Variants in APAF1 observed in about 807,000 individuals in gnomAD.
APAF1 encodes apoptotic protease-activating factor 1.
APAF1 carries 91 observed loss-of-function variants against 152.4 expected under a neutral mutation model. The ratio of observed to expected loss-of-function variants is 0.60; its 90% CI spans 0.50 to 0.71. The LOEUF (loss-of-function observed/expected upper bound fraction) is 0.71. Among genes scored for constraint, APAF1 ranks in the 30% least tolerant of loss-of-function variants. APAF1 has a pLI of 0.00. For missense variants in APAF1, 1,283 were observed against 1,472.0 expected (o/e 0.87, Z 2.10); for synonymous variants, 484 against 494.1 (o/e 0.98, Z 0.27).
At chr12:98,684,952 T>TCTTG (rs1438739907) in intron 15 of APAF1, among the ~76,000 whole-genome samples, 1 of 152,214 alleles carries the variant, frequency 6.6e-6, no homozygotes, top group Non-Finnish European at 1.5e-5. Flanking sequence ...TTCTTGTGAT[T>TCTTG]CTTGAGCAGA....
chr12:98,659,666 C>T (rs775076443), intron 5 of APAF1, among the ~76,000 whole-genome samples: 6 of 146,132 alleles, frequency 4.1e-5, no homozygotes, highest in African/African-American at 1.3e-4. Context: ...GCAGGAGAAT[C>T]GCTTGAACCC....
chr12:98,665,481 G>A, intron 7 of APAF1, 72 bp from the exon 8 acceptor site: 3 of 1,021,500 alleles, frequency 2.9e-6, no homozygotes, highest in Non-Finnish European at 4.6e-6. Flanking sequence ...AGTAATGTAA[G>A]TAAGTAAGTC....
At chr12:98,682,438 C>G (rs2097693426) in intron 14 of APAF1, among the ~76,000 whole-genome samples, 1 of 152,200 alleles carries the variant, frequency 6.6e-6, no homozygotes, top group Admixed American at 6.5e-5. Context: ...CAATTTCCTG[C>G]TACAGCTTGC....
intron 22 of APAF1, among the ~76,000 whole-genome samples, chr12:98,717,729 C>G (rs1465810501): frequency 6.6e-6 from 1 of 151,748 alleles, no homozygotes; most frequent in Admixed American, 6.6e-5. Flanking sequence ...AGTTGCTGTT[C>G]CCTCCAAGTT....
At position 98,666,477 on chromosome 12, in the gene APAF1, T is replaced by A. The variant is rs138330961; in HGVS notation, c.1362+120T>A. On this transcript the variant is annotated intron_variant, in intron 9 of 26. Transcript: ENST00000551964. ...CATAAGTCCTTCACCTAGCTTCCCC[T>A]AATATTAACATTTTATATAACCATA... 2.3e-4 allele frequency: 211 copies of A among 935,012 alleles called. 1 individual carries two copies. In the East Asian group the frequency reaches 5.4e-3, roughly 24 times the overall value. The allele number at this position is 935,012 out of a possible 1,614,324, so 57.9% of individuals were successfully genotyped here.
chr12:98,650,445 C>G (rs1224273009), intron 4 of APAF1, among the ~76,000 whole-genome samples: 1 of 151,774 alleles, frequency 6.6e-6, no homozygotes, highest in Non-Finnish European at 1.5e-5. Flanking sequence ...GAGATCGCAC[C>G]ACTGCACTCC....
intron 21 of APAF1, 143 bp downstream of exon 21, chr12:98,712,578 A>C (rs1377103488): frequency 4.6e-6 from 3 of 654,480 alleles, no homozygotes; most frequent in Non-Finnish European, 8.2e-6. Flanking sequence ...GTACAGTGAC[A>C]CGATCACAGC....
chr12:98,686,973 G>GA, intron 16 of APAF1, 100 bp downstream of exon 16: 3 of 1,225,182 alleles, frequency 2.4e-6, no homozygotes, highest in Non-Finnish European at 3.5e-6. Context: ...TCTACAGAAA[G>GA]AGCCTGCTTC....
chr12:98,725,958 T>G (rs147904570), intron 25 of APAF1, among the ~76,000 whole-genome samples: 160 of 152,342 alleles, frequency 1.1e-3, no homozygotes, highest in African/African-American at 3.8e-3. Flanking sequence ...TCTTTAGCAC[T>G]ATACCCATTT....
rs957408395 is a variant in APAF1 at position 98,645,439 on chromosome 12, G to C, written c.-438G>C. On this transcript the variant is annotated 5_prime_UTR_variant, in exon 1 of 27. Transcript: ENST00000551964. The stretch of plus-strand genomic sequence containing the variant: ...TCCGGAGTAGCGCCGGGCTCCCTCC[G>C]GGGTGCAGCCGCCGTCGGGGGAAGG... The C allele has an allele frequency of 1.3e-5, 2 of 152,396 alleles. No homozygotes were observed. The highest frequency in any genetic ancestry group is 2.9e-5 in the Non-Finnish European group (2 of 68,200). The allele number at this position is 152,396 out of a possible 1,614,324, so 9.4% of individuals were successfully genotyped here. A position where few individuals can be genotyped will look rare whatever the true frequency, so the allele number is the denominator to read the frequency against.
chr12:98,650,496 T>C (rs563554635), intron 4 of APAF1, among the ~76,000 whole-genome samples: 4 of 150,402 alleles, frequency 2.7e-5, no homozygotes, highest in African/African-American at 7.4e-5. Flanking sequence ...CAAAAAAAAG[T>C]TTTTTGTTTT....
chr12:98,699,785 T>C (rs538126693), intron 17 of APAF1, among the ~76,000 whole-genome samples: 11 of 152,216 alleles, frequency 7.2e-5, no homozygotes, highest in Non-Finnish European at 1.5e-4. Flanking sequence ...TTGGGAAATA[T>C]GTTTTGTATT....
intron 17 of APAF1, among the ~76,000 whole-genome samples, chr12:98,700,604 A>C (rs992765837): frequency 2.6e-5 from 4 of 152,198 alleles, no homozygotes; most frequent in African/African-American, 7.2e-5. Context: ...AAACTTTTTT[A>C]TTGTGATAAA....
intron 4 of APAF1, 124 bp downstream of exon 4, chr12:98,649,808 G>T (rs943665521): frequency 9.7e-6 from 9 of 925,248 alleles, no homozygotes; most frequent in Middle Eastern, 3.2e-4. Context: ...TAGAACAAAG[G>T]AAGGATATGT....
In APAF1 at chr12:98,712,361, G is replaced by A; in HGVS notation, c.2884G>A (p.Ala962Thr). Residue 962 changes from alanine to threonine, a missense_variant, in exon 21 of 27, where the codon GCT (alanine) becomes ACT (threonine). Ala to Thr is a moderately conservative substitution (Grantham distance 58, BLOSUM62 0). Transcript: ENST00000551964. ...RTGQIDYLTE[A>T]QVSCCCLSPH... The stretch of plus-strand genomic sequence containing the variant: ...AGGTCAGATTGATTATCTGACTGAA[G>A]CTCAAGTTAGCTGCTGTTGCTTAAG... 1.2e-6 allele frequency: 2 copies of A among 1,613,596 alleles called. No individual in the cohort carries two copies. The highest frequency in any genetic ancestry group is 2.7e-5 in the African/African-American group (2 of 75,012).
intron 17 of APAF1, among the ~76,000 whole-genome samples, chr12:98,701,764 G>A (rs906573417): frequency 2.8e-4 from 43 of 152,198 alleles, no homozygotes; most frequent in African/African-American, 1.0e-3. Context: ...TTAACTGCAT[G>A]TAGATCCCGA....
intron 22 of APAF1, among the ~76,000 whole-genome samples, chr12:98,722,446 T>C (rs374594822): frequency 1.6e-4 from 25 of 152,326 alleles, no homozygotes; most frequent in African/African-American, 5.5e-4. Flanking sequence ...ATAAGTTAAT[T>C]TGAAGTCAAG....
chr12:98,665,584 A>C lies in APAF1; in HGVS notation c.987A>C (p.Ala329=). 1 of 1,613,544 alleles carries C rather than the reference A, an allele frequency of 6.2e-7. No individual in the cohort carries two copies. Among genetic ancestry groups the C allele is most frequent in the Non-Finnish European group, 8.5e-7 (1 of 1,179,818 alleles). ...CCCTTGTAGTATCTTTAATTGGTGCACTTTTACGTGATTTTCCCAATCGCT... is the reference window on the plus strand; with the variant it reads ...CCCTTGTAGTATCTTTAATTGGTGCCCTTTTACGTGATTTTCCCAATCGCT... The part of the protein sequence containing the change: ...GSPLVVSLIG[A]LLRDFPNRWE... Residue 329 remains alanine (A), a synonymous_variant, in exon 8 of 27, where the codon GCA becomes GCC. Coordinates refer to ENST00000551964, the MANE Select transcript of APAF1 (RefSeq NM_181861.2).
Position 98,645,430 on chromosome 12 carries a change from G to C in APAF1, c.-447G>C, listed in dbSNP as rs967949512. ...GCAGCGGCATCCGGAGTAGCGCCGGGCTCCCTCCGGGGTGCAGCCGCCGTC... is the reference window on the plus strand; with the variant it reads ...GCAGCGGCATCCGGAGTAGCGCCGGCCTCCCTCCGGGGTGCAGCCGCCGTC... On this transcript the variant is annotated 5_prime_UTR_variant, in exon 1 of 27. Transcript: ENST00000551964. 6.6e-6 allele frequency: 1 copy of C among 152,470 alleles called. No homozygotes were observed. The highest frequency in any genetic ancestry group is 1.5e-5 in the Non-Finnish European group (1 of 68,270). The allele number at this position is 152,470 out of a possible 1,614,324, so 9.4% of individuals were successfully genotyped here. A position where few individuals can be genotyped will look rare whatever the true frequency, so the allele number is the denominator to read the frequency against.
Sources: allele counts gnomAD v4.1 joint callset (sites outside exome capture counted in the v4.1 genomes callset), GRCh38; gene constraint gnomAD v4.1.1; transcripts MANE v1.5; gene names NCBI Gene and HGNC (gene_info 2026-07-23, HGNC 2026-07-21).